WDR48: variants seen among roughly 807,000 people sequenced by gnomAD.
WDR48 encodes the protein WD repeat domain 48.
Under a neutral mutation model 94.0 loss-of-function variants are expected in WDR48, and 22 were observed. The observed-to-expected ratio is 0.23, with a 90% CI of 0.17 to 0.33. WDR48 has a LOEUF of 0.33. Ranked by LOEUF, WDR48 falls within the 10% of genes least tolerant of loss-of-function variation. The pLI is 1.00. For missense variants in WDR48, 541 were observed against 813.8 expected (o/e 0.66, Z 4.08); for synonymous variants, 278 against 280.5 (o/e 0.99, Z 0.09).
chr3:39,088,187 C>T lies in WDR48; in HGVS notation c.1534C>T (p.His512Tyr). ...KGNGYFQVPP[H>Y]TPVIFGEAGG... ...AAATGGATATTTTCAAGTGCCCCCACATACACCCGTGATCTTTGGTGAAGC... is the reference window on the plus strand; with the variant it reads ...AAATGGATATTTTCAAGTGCCCCCATATACACCCGTGATCTTTGGTGAAGC... The change falls in exon 15 of 19, where the codon CAT becomes TAT. Residue 512 changes from histidine (H) to tyrosine (Y), a missense_variant. Around this residue, in one of 5 missense-constraint regions of WDR48, gnomAD observed 238 missense variants for 285.3 expected, o/e 0.83. Transcript: ENST00000302313. 1 of 1,614,200 alleles carries T rather than the reference C, an allele frequency of 6.2e-7. No individual in the cohort carries two copies. The highest frequency in any genetic ancestry group is 8.5e-7 in the Non-Finnish European group (1 of 1,180,036).
intron 1 of WDR48, among the ~76,000 whole-genome samples, chr3:39,052,844 G>C (rs941451734): frequency 1.3e-5 from 2 of 152,052 alleles, no homozygotes; most frequent in African/African-American, 4.8e-5. Context: ...TGCCACTTCG[G>C]GGAACATCAC....
chr3:39,053,607 T>C (rs76307203), intron 1 of WDR48, among the ~76,000 whole-genome samples: 3,725 of 152,234 alleles, frequency 0.024, 76 homozygotes, highest in South Asian at 0.061. Flanking sequence ...GTGTACATCT[T>C]AGGAGAGTAA....
chr3:39,060,245 A>C (rs2033168569), intron 1 of WDR48, among the ~76,000 whole-genome samples: 1 of 152,016 alleles, frequency 6.6e-6, no homozygotes, highest in African/African-American at 2.4e-5. Context: ...TCCCTCCTTC[A>C]ATCTCCTGGC....
chr3:39,055,717 C>CT (rs567053802), intron 1 of WDR48, among the ~76,000 whole-genome samples: 7 of 152,156 alleles, frequency 4.6e-5, no homozygotes, highest in Admixed American at 1.3e-4. Flanking sequence ...CAAAGCAAGT[C>CT]TTTTCCATCC....
intron 14 of WDR48, among the ~76,000 whole-genome samples, chr3:39,087,012 G>A (rs1295185424): frequency 6.6e-6 from 1 of 152,152 alleles, no homozygotes; most frequent in Non-Finnish European, 1.5e-5. Context: ...GTTTCAGGTG[G>A]GGGTACTAAA....
At chr3:39,060,456 TTTTA>T (rs141574815) in intron 1 of WDR48, among the ~76,000 whole-genome samples, 15,757 of 151,182 alleles carry the variant, frequency 0.1, 874 homozygotes, top group Admixed American at 0.14. Flanking sequence ...ACACATCACA[TTTTA>T]TTTGTTTTGT....
At position 39,068,772 on chromosome 3, in the gene WDR48, T is replaced by G. The variant is rs572645615; in HGVS notation, c.483T>G (p.Thr161=). The part of the protein sequence containing the change: ...ALTASNNTVT[T]SSLSGNKDSI... ...TTTAGCTCCGTTTATCCTCAATAGC[T>G]TCTTCTTTAAGTGGAAACAAAGATT... The change falls in exon 6 of 19, where the codon ACT becomes ACG. Residue 161 remains threonine, a splice_region_variant and synonymous_variant. Transcript: ENST00000302313. The G allele has an allele frequency of 6.9e-6, 11 of 1,602,402 alleles. No homozygotes were observed. Among genetic ancestry groups the G allele is most frequent in the South Asian group, 5.6e-5 (5 of 89,410 alleles).
intron 7 of WDR48, among the ~76,000 whole-genome samples, chr3:39,072,954 A>C (rs6599007): frequency 0.45 from 67,737 of 152,072 alleles, 18,233 homozygotes; most frequent in African/African-American, 0.77. Flanking sequence ...AGGGTTGATA[A>C]AACTGTGTTT....
At position 39,095,024 on chromosome 3, in the gene WDR48, T is replaced by C. The variant is rs1011988388; in HGVS notation, c.*281T>C. The stretch of plus-strand genomic sequence containing the variant: ...GTACAGAAGACTGACAACAGGCCAG[T>C]GCAGACTTTGCTTCCTCCTTTTGTT... On this transcript the variant is annotated 3_prime_UTR_variant, in exon 19 of 19. Transcript: ENST00000302313. 2.3e-6 allele frequency: 1 copy of C among 439,958 alleles called. No individual in the cohort carries two copies. Among genetic ancestry groups the C allele is most frequent in the Non-Finnish European group, 4.0e-6 (1 of 247,252 alleles). The allele number at this position is 439,958 out of a possible 1,614,324, so 27.3% of individuals were successfully genotyped here.
intron 1 of WDR48, among the ~76,000 whole-genome samples, chr3:39,059,671 A>C (rs1435572123): frequency 6.6e-6 from 1 of 152,228 alleles, no homozygotes; most frequent in African/African-American, 2.4e-5. Flanking sequence ...GACTGGGTTA[A>C]AACAACATCC....
intron 1 of WDR48, among the ~76,000 whole-genome samples, chr3:39,056,271 A>G (rs2032881123): frequency 6.6e-6 from 1 of 152,372 alleles, no homozygotes; most frequent in Non-Finnish European, 1.5e-5. Context: ...GTGTTACAAA[A>G]ATAAATGAAA....
chr3:39,084,680 T>C lies in WDR48; in HGVS notation c.1317T>C (p.Phe439=), dbSNP rs766216975. ...LTITLDESDC[F]AAWVSAKDAG... is the part of the protein sequence containing the mutation. Reference sequence around the variant, plus strand: ...TTACTTTGGATGAAAGTGATTGTTTTGCTGCCTGGGTTTCTGCAAAAGATG... The same window carrying C: ...TTACTTTGGATGAAAGTGATTGTTTCGCTGCCTGGGTTTCTGCAAAAGATG... Residue 439 remains phenylalanine (F), a synonymous_variant, in exon 13 of 19, where the codon TTT becomes TTC. Transcript: ENST00000302313. The C allele has an allele frequency of 6.2e-7, 1 of 1,614,066 alleles. No individual in the cohort carries two copies. The highest frequency in any genetic ancestry group is 1.7e-5 in the Admixed American group (1 of 60,000).
At chr3:39,076,839 A>G (rs993628361) in intron 8 of WDR48, among the ~76,000 whole-genome samples, 2 of 152,252 alleles carry the variant, frequency 1.3e-5, no homozygotes, top group Non-Finnish European at 2.9e-5. Context: ...AGAGAAAATT[A>G]TGGAAAGTCT....
Position 39,082,194 on chromosome 3 carries a change from T to C in WDR48, c.1174-1961T>C, listed in dbSNP as rs532156852. Among the ~76,000 whole-genome samples, 7 of 152,266 alleles carry C rather than the reference T, an allele frequency of 4.6e-5. No homozygotes were observed. The South Asian group carries it at 1.2e-3, about 27-fold the overall frequency. On this transcript the variant is annotated intron_variant, in intron 11 of 18. Coordinates refer to ENST00000302313, the MANE Select transcript of WDR48 (RefSeq NM_020839.4). ...GCACTAATACAGGTGAAAGGTGATA[T>C]TTGTCTAGACTAGGGTGGGAACAAG... is the stretch of plus-strand genomic sequence containing the variant.
chr3:39,056,544 G>C (rs907544499), intron 1 of WDR48, among the ~76,000 whole-genome samples: 3 of 152,200 alleles, frequency 2.0e-5, no homozygotes, highest in Non-Finnish European at 4.4e-5. Flanking sequence ...GAAAGCTTAG[G>C]GAAGGAGATG....
chr3:39,065,242 G>A (rs530620869), intron 2 of WDR48, among the ~76,000 whole-genome samples: 1 of 152,146 alleles, frequency 6.6e-6, no homozygotes, highest in Non-Finnish European at 1.5e-5. Context: ...TTTCTCAGCC[G>A]TTGGGTTTCC....
At chr3:39,074,165 C>CT (rs2034090564) in intron 7 of WDR48, among the ~76,000 whole-genome samples, 1 of 152,210 alleles carries the variant, frequency 6.6e-6, no homozygotes, top group Non-Finnish European at 1.5e-5. Context: ...CTTTCAAACT[C>CT]TATCTCCCTT....
At chr3:39,070,302 TAATAA>T (rs2033853711) in intron 7 of WDR48, among the ~76,000 whole-genome samples, 1 of 152,230 alleles carries the variant, frequency 6.6e-6, no homozygotes, top group South Asian at 2.1e-4. Context: ...TCAATGTAGA[TAATAA>T]AAAACAAAAA....
chr3:39,063,175 T>C lies in WDR48; in HGVS notation c.174T>C (p.Ser58=). Residue 58 remains serine, a synonymous_variant, in exon 2 of 19, where the codon AGT becomes AGC. Transcript: ENST00000302313. Reference sequence around the variant, plus strand: ...GAGACTCTATCATAAGAATATGGAGTGTCAATCAGCACAAGGTAATGCAGG... The same window carrying C: ...GAGACTCTATCATAAGAATATGGAGCGTCAATCAGCACAAGGTAATGCAGG... ...AGRDSIIRIW[S]VNQHKQDPYI... 1.2e-6 allele frequency: 2 copies of C among 1,613,886 alleles called. No individual in the cohort carries two copies. Among genetic ancestry groups the C allele is most frequent in the Non-Finnish European group, 1.7e-6 (2 of 1,179,920 alleles).
Sources: allele counts gnomAD v4.1 joint callset (sites outside exome capture counted in the v4.1 genomes callset), GRCh38; gene constraint gnomAD v4.1.1; regional missense constraint gnomAD v4.1.1; transcripts MANE v1.5; gene names NCBI Gene and HGNC (gene_info 2026-07-23, HGNC 2026-07-21).